Variants in DNAH2 observed in about 807,000 individuals in gnomAD.
The protein encoded by DNAH2 is dynein axonemal heavy chain 2.
A neutral mutation model predicts 523.5 loss-of-function variants in DNAH2; 323 were observed. The ratio of observed to expected loss-of-function variants is 0.62; its 90% CI spans 0.56 to 0.68. DNAH2 has a LOEUF of 0.68. Ranked by LOEUF, DNAH2 falls within the 30% of genes least tolerant of loss-of-function variation. The pLI, the probability that DNAH2 is intolerant of heterozygous loss-of-function variation, is 0.00. For missense variants in DNAH2, 4,907 were observed against 5,701.5 expected, an observed-to-expected ratio of 0.86 and a Z score of 4.49; for synonymous variants, 2,093 against 2,177.4, an observed-to-expected ratio of 0.96 and a Z score of 1.08.
intron 84 of DNAH2, 57 bp from the exon 85 acceptor site, chr17:7,833,014 A>G: frequency 6.2e-7 from 1 of 1,613,176 alleles, no homozygotes; most frequent in Non-Finnish European, 8.5e-7. Context: ...GGAGCAGGTC[A>G]GGGGCGCTGG....
intron 42 of DNAH2, chr17:7,787,373 C>T (rs1053924616): frequency 2.6e-6 from 1 of 391,084 alleles, no homozygotes; most frequent in Non-Finnish European, 4.6e-6. Flanking sequence ...CTTTTCCACC[C>T]ACTCCAACAA....
rs1305995453 is a variant in DNAH2 at position 7,788,071 on chromosome 17, C to A, written c.6742-15C>A. ...CACAAGGGTGAATGAAGAGCCCCTTCTTATTCAACTCCAGGCTGAGGTGGA... is the reference window on the plus strand; with the variant it reads ...CACAAGGGTGAATGAAGAGCCCCTTATTATTCAACTCCAGGCTGAGGTGGA... On this transcript the variant is annotated splice_polypyrimidine_tract_variant and intron_variant, in intron 43 of 85. Coordinates refer to ENST00000572933, the MANE Select transcript of DNAH2 (RefSeq NM_020877.5). The A allele has an allele frequency of 6.2e-7, 1 of 1,613,828 alleles. No individual in the cohort carries two copies. Among genetic ancestry groups the A allele is most frequent in the African/African-American group, 1.3e-5 (1 of 74,936 alleles).
chr17:7,763,368 G>A (rs1190211797), intron 18 of DNAH2, among the ~76,000 whole-genome samples: 5 of 152,004 alleles, frequency 3.3e-5, no homozygotes, highest in Non-Finnish European at 7.4e-5. Context: ...CCGTGGTCTC[G>A]ATCTCCTGAC....
In DNAH2 at chr17:7,786,556, G is replaced by T; in HGVS notation, c.6349-14G>T. 1 of 1,609,880 alleles carries T rather than the reference G, an allele frequency of 6.2e-7. No homozygotes were observed. Among genetic ancestry groups the T allele is most frequent in the Non-Finnish European group, 8.5e-7 (1 of 1,176,814 alleles). ...TCCATCAGCAGCTAAAACCCCTTCC[G>T]GTGTCATTTTCAGGAGTTCCCTTTG... On this transcript the variant is annotated splice_polypyrimidine_tract_variant and intron_variant, in intron 40 of 85. Coordinates refer to ENST00000572933, the MANE Select transcript of DNAH2 (RefSeq NM_020877.5). The surrounding 1 kb of genome is among the most constrained non-coding windows in gnomAD (Gnocchi z 7.5).
intron 51 of DNAH2, 36 bp downstream of exon 51, chr17:7,797,297 C>T (rs1307359594): frequency 2.5e-6 from 4 of 1,613,150 alleles, no homozygotes; most frequent in East Asian, 2.2e-5. Context: ...CGAAGGCTTC[C>T]TCAGCCTTGC....
At chr17:7,738,069 G>T (rs1157184085) in intron 8 of DNAH2, 1 of 703,486 alleles carries the variant, frequency 1.4e-6, no homozygotes, top group Non-Finnish European at 2.6e-6. Context: ...TGCATTCTCT[G>T]TTGTCACGCT....
In DNAH2 at chr17:7,821,359, G is replaced by T; in HGVS notation, c.11132G>T (p.Arg3711Leu). 6.2e-7 allele frequency: 1 copy of T among 1,613,010 alleles called. No individual in the cohort carries two copies. Among genetic ancestry groups the T allele is most frequent in the Non-Finnish European group, 8.5e-7 (1 of 1,179,360 alleles). ...ATGGATGAATACAACTTCTTTCTAC[G>T]TGGGGGTGTGGTGAGTTGGGCAGAG... ...LNMDEYNFFL[R>L]GGVVLDREGQ... The change falls in exon 73 of 86, where the codon CGT becomes CTT. Residue 3711 changes from arginine (R) to leucine (L), a missense_variant. Arg to Leu is a moderately radical substitution (Grantham distance 102). Transcript: ENST00000572933. This position sits in a 1 kb window ranked among gnomAD's most constrained non-coding sequence, Gnocchi z 5.0.
rs1315392945 is a variant in DNAH2 at position 7,778,167 on chromosome 17, C to T, written c.5338C>T (p.Pro1780Ser). Residue 1780 changes from proline (P) to serine (S), a missense_variant, in exon 34 of 86, where the codon CCC becomes TCC. Transcript: ENST00000572933. ...LGNSGRLVIT[P>S]LTDRCYMTLT... ...TAACTCGGGCCGGCTCGTCATCACC[C>T]CCCTGACGGACAGGTCTGCCATGTG... is the stretch of plus-strand genomic sequence containing the variant. 1.2e-6 allele frequency: 2 copies of T among 1,614,220 alleles called. No homozygotes were observed. The highest frequency in any genetic ancestry group is 1.1e-5 in the South Asian group (1 of 91,082).
chr17:7,805,798 G>A (rs1040870771), intron 61 of DNAH2, among the ~76,000 whole-genome samples: 1 of 152,108 alleles, frequency 6.6e-6, no homozygotes, highest in African/African-American at 2.4e-5. Flanking sequence ...AGGCTGCAGT[G>A]AGCCGAGATT....
In DNAH2 at chr17:7,743,139, A is replaced by T; in HGVS notation, c.1901A>T (p.Asp634Val). The change falls in exon 12 of 86, where the codon GAC becomes GTC. Residue 634 changes from aspartate (D) to valine (V), a missense_variant. Asp to Val is a radical substitution (Grantham distance 152, BLOSUM62 -3). Transcript: ENST00000572933. ...EKAGMLDVNF[D>V]KSLLILFAEI... The stretch of plus-strand genomic sequence containing the variant: ...GCGGGCATGCTGGATGTCAACTTTG[A>T]CAAGTACAGGAGCCACCTGGCCCCT... The T allele has an allele frequency of 6.3e-7, 1 of 1,591,034 alleles. No individual in the cohort carries two copies. Among genetic ancestry groups the T allele is most frequent in the South Asian group, 1.2e-5 (1 of 85,884 alleles).
chr17:7,773,693 C>T (rs574952852), intron 28 of DNAH2, among the ~76,000 whole-genome samples: 5 of 152,232 alleles, frequency 3.3e-5, no homozygotes, highest in Admixed American at 2.6e-4. Flanking sequence ...CTTTTTCCTT[C>T]GTCGCAGTTT....
Position 7,734,695 on chromosome 17 carries a change from C to T in DNAH2, c.965C>T (p.Ala322Val). ...TACTTGGCGCCCTTTATGAAACTGG[C>T]ACAGCAGATCCAGGTTTGTGAGCGA... ...SSYLAPFMKL[A>V]QQIQDGSRQA... is the part of the protein sequence containing the mutation. Residue 322 changes from alanine (A) to valine (V), a missense_variant, in exon 7 of 86, where the codon GCA becomes GTA. This residue lies in a region of DNAH2 where 2,806 missense variants were observed against 3,190.8 expected (regional missense o/e 0.88). Coordinates refer to ENST00000572933, the MANE Select transcript of DNAH2 (RefSeq NM_020877.5). The T allele has an allele frequency of 6.2e-7, 1 of 1,612,436 alleles. No individual in the cohort carries two copies. Among genetic ancestry groups the T allele is most frequent in the Non-Finnish European group, 8.5e-7 (1 of 1,179,764 alleles).
chr17:7,824,481 T>C, intron 76 of DNAH2, 56 bp from the exon 77 acceptor site: 5 of 1,450,558 alleles, frequency 3.4e-6, no homozygotes, highest in Non-Finnish European at 4.6e-6. Flanking sequence ...GTGGAAAGCA[T>C]GAGGACAGGC....
rs768521727 is a variant in DNAH2, at chr17:7,830,297, C to T, written c.11854-3C>T. ...CCCCATCTTTATATTTCATTGTCCC[C>T]AGGGCCTAAAGGCCAACATGACACG... is the stretch of plus-strand genomic sequence containing the variant. On this transcript the variant is annotated splice_region_variant and splice_polypyrimidine_tract_variant and intron_variant, in intron 77 of 85. Transcript: ENST00000572933. The T allele has an allele frequency of 8.1e-6, 13 of 1,613,160 alleles. No individual in the cohort carries two copies. Among genetic ancestry groups the T allele is most frequent in the Non-Finnish European group, 1.1e-5 (13 of 1,179,572 alleles).
intron 31 of DNAH2, 35 bp downstream of exon 31, chr17:7,776,184 G>A: frequency 2.5e-6 from 4 of 1,607,416 alleles, no homozygotes; most frequent in Non-Finnish European, 3.4e-6. Flanking sequence ...GGGAACAAGG[G>A]GCTGGGCACG....
In DNAH2 at chr17:7,764,125, G is replaced by A. The variant is rs758724874; in HGVS notation, c.3188G>A (p.Arg1063His). Residue 1063 changes from arginine (R) to histidine (H), a missense_variant, in exon 20 of 86, where the codon CGC (arginine) becomes CAC (histidine). Transcript: ENST00000572933. ...YLKENAEKIS[R>H]PPQTLEELGV... is the part of the protein sequence containing the mutation. ...CCTTTGCCCGCCTTCAGAATCAGCCGCCCTCCGCAGACACTGGAGGAACTG... is the reference window on the plus strand; with the variant it reads ...CCTTTGCCCGCCTTCAGAATCAGCCACCCTCCGCAGACACTGGAGGAACTG... 58 of 1,614,184 alleles carry A rather than the reference G, an allele frequency of 3.6e-5. No individual in the cohort carries two copies. Among genetic ancestry groups the A allele is most frequent in the Middle Eastern group, 3.3e-4 (2 of 6,062 alleles).
intron 5 of DNAH2, 21 bp from the exon 6 acceptor site, chr17:7,734,162 C>T: frequency 6.4e-7 from 1 of 1,565,638 alleles, no homozygotes; most frequent in Non-Finnish European, 8.7e-7. Context: ...TGTCCACTTC[C>T]ACAAACTTTC....
chr17:7,787,307 G>T, intron 42 of DNAH2: 1 of 527,062 alleles, frequency 1.9e-6, no homozygotes, highest in Non-Finnish European at 3.4e-6. Context: ...GATGCATGAG[G>T]CAGGACCCTC....
Position 7,805,504 on chromosome 17 carries a change from C to T in DNAH2, c.9442+111C>T, listed in dbSNP as rs1330717820. 2.0e-6 allele frequency: 3 copies of T among 1,483,048 alleles called. No individual in the cohort carries two copies. The East Asian group carries it at 6.9e-5, about 34-fold the overall frequency. The allele number at this position is 1,483,048 out of a possible 1,614,324, so 91.9% of individuals were successfully genotyped here. Reference sequence around the variant, plus strand: ...GGGATGGATGAGGCATTGTTCTTACCCTCAAGAGCACAGGGCCTAGTAGAA... The same window carrying T: ...GGGATGGATGAGGCATTGTTCTTACTCTCAAGAGCACAGGGCCTAGTAGAA... On this transcript the variant is annotated intron_variant, in intron 61 of 85. Coordinates refer to ENST00000572933, the MANE Select transcript of DNAH2 (RefSeq NM_020877.5).
Sources: allele counts gnomAD v4.1 joint callset (sites outside exome capture counted in the v4.1 genomes callset), GRCh38; gene constraint gnomAD v4.1.1; regional missense constraint gnomAD v4.1.1; non-coding constraint Gnocchi (gnomAD v3.1); transcripts MANE v1.5; gene names NCBI Gene and HGNC (gene_info 2026-07-23, HGNC 2026-07-21).